RIOK3: variants seen among roughly 807,000 people sequenced by gnomAD.
RIOK3 encodes the protein RIO kinase 3, also known as serine/threonine-protein kinase RIO3.
Under a neutral mutation model 63.5 loss-of-function variants are expected in RIOK3, and 40 were observed. The ratio of observed to expected loss-of-function variants is 0.63; its 90% CI spans 0.49 to 0.82. The LOEUF (loss-of-function observed/expected upper bound fraction) is 0.82, where lower values mean the gene tolerates loss of function less well. Ranked by LOEUF, RIOK3 falls within the 40% of genes least tolerant of loss-of-function variation. The pLI is 0.00. For missense variants in RIOK3, 557 were observed against 637.0 expected, an observed-to-expected ratio of 0.87 and a Z score of 1.35; for synonymous variants, 193 against 205.0, an observed-to-expected ratio of 0.94 and a Z score of 0.50.
At chr18:23,475,802 G>A (rs898428354) in intron 9 of RIOK3, among the ~76,000 whole-genome samples, 1 of 152,170 alleles carries the variant, frequency 6.6e-6, no homozygotes, top group South Asian at 2.1e-4. Flanking sequence ...AACCAGGGAA[G>A]TCGTCATTGT....
At chr18:23,466,354 A>T (rs146238568) in intron 6 of RIOK3, 78 bp downstream of exon 6, 7 of 1,178,794 alleles carry the variant, frequency 5.9e-6, no homozygotes, top group Admixed American at 3.0e-5. Flanking sequence ...AGAAAAAAAA[A>T]CTTCATGTTT....
intron 7 of RIOK3, among the ~76,000 whole-genome samples, chr18:23,472,914 G>C (rs1697054873): frequency 6.6e-6 from 1 of 152,170 alleles, no homozygotes; most frequent in South Asian, 2.1e-4. Flanking sequence ...CTTGTGCCAT[G>C]AAGTCTTGCC....
rs1397358442 is a variant in RIOK3 at position 23,474,984 on chromosome 18, A to G, written c.1050A>G (p.Val350=). Reference sequence around the variant, plus strand: ...CTGGAATTCCTTGTCCAACAGTTGTACTACTGAAGAAACACATTTTAGTTA... The same window carrying G: ...CTGGAATTCCTTGTCCAACAGTTGTGCTACTGAAGAAACACATTTTAGTTA... The part of the protein sequence containing the change: ...QRAGIPCPTV[V]LLKKHILVMS... Residue 350 remains valine, a synonymous_variant, in exon 9 of 13, where the codon GTA becomes GTG. Transcript: ENST00000339486. 2.5e-6 allele frequency: 4 copies of G among 1,611,598 alleles called. No homozygotes were observed. Among genetic ancestry groups the G allele is most frequent in the Non-Finnish European group, 3.4e-6 (4 of 1,177,806 alleles).
intron 1 of RIOK3, among the ~76,000 whole-genome samples, chr18:23,462,063 C>T (rs1387827642): frequency 6.8e-6 from 1 of 148,000 alleles, no homozygotes; most frequent in African/African-American, 2.5e-5. Flanking sequence ...TGTACTCCAG[C>T]CTGGGTGACA....
At chr18:23,457,959 A>G (rs1391788593) in intron 1 of RIOK3, among the ~76,000 whole-genome samples, 1 of 151,548 alleles carries the variant, frequency 6.6e-6, no homozygotes, top group South Asian at 2.1e-4. Flanking sequence ...CAGTGGTGCA[A>G]TCTTGGCTCA....
chr18:23,469,743 C>T (rs756383440), intron 7 of RIOK3, among the ~76,000 whole-genome samples: 4 of 152,096 alleles, frequency 2.6e-5, no homozygotes, highest in African/African-American at 4.8e-5. Context: ...GCCTCAGCCT[C>T]CCAAAGTGCT....
In RIOK3 at chr18:23,466,210, A is replaced by T; in HGVS notation, c.621A>T (p.Lys207Asn). 6.2e-7 allele frequency: 1 copy of T among 1,612,896 alleles called. No homozygotes were observed. Among genetic ancestry groups the T allele is most frequent in the Non-Finnish European group, 8.5e-7 (1 of 1,179,368 alleles). ...CAAACCATGTTTTCAATGCTTTAAA[A>T]CAACATGCCTACTCAGAAGAACGTC... ...KLSNHVFNAL[K>N]QHAYSEERRS... The change falls in exon 6 of 13, where the codon AAA becomes AAT. Residue 207 changes from lysine (K) to asparagine (N), a missense_variant. Physicochemically the swap from Lys to Asn is moderately conservative, Grantham distance 94. Coordinates refer to ENST00000339486, the MANE Select transcript of RIOK3 (RefSeq NM_003831.5).
In RIOK3 at chr18:23,463,143, A is replaced by C. The variant is rs1432626659; in HGVS notation, c.179+64A>C. 5 of 994,914 alleles carry C rather than the reference A, an allele frequency of 5.0e-6. No homozygotes were observed. The African/African-American group carries it at 6.5e-5, about 13-fold the overall frequency. 61.6% of individuals were successfully genotyped at this position (994,914 alleles called of 1,614,324 possible). A position where few individuals can be genotyped will look rare whatever the true frequency, so the allele number is the denominator to read the frequency against. On this transcript the variant is annotated intron_variant, in intron 2 of 12. Coordinates refer to ENST00000339486, the MANE Select transcript of RIOK3 (RefSeq NM_003831.5). ...AGCAGAGTTTTAGGATTTGATGAGT[A>C]ATTGTCATGACAAGTGGTTTGGAAA...
intron 1 of RIOK3, among the ~76,000 whole-genome samples, chr18:23,461,581 TAATC>T (rs2057372335): frequency 6.6e-6 from 1 of 152,214 alleles, no homozygotes. Context: ...GTAAAGGTCT[TAATC>T]AATAGGCTAT....
At chr18:23,463,409 C>CTTTTTTTTTTTT (rs5823391) in intron 2 of RIOK3, 10 of 134,928 alleles carry the variant, frequency 7.4e-5, no homozygotes, top group African/African-American at 2.8e-4. Flanking sequence ...TCCAGACTTT[C>CTTTTTTTTTTTT]TTTTTTTTTT....
chr18:23,479,371 G>A lies in RIOK3; in HGVS notation c.1399G>A (p.Ala467Thr), dbSNP rs773910241. The change falls in exon 12 of 13, where the codon GCT becomes ACT. Residue 467 changes from alanine to threonine, a missense_variant. By Grantham distance (58) the Ala-to-Thr change is moderately conservative. Coordinates refer to ENST00000339486, the MANE Select transcript of RIOK3 (RefSeq NM_003831.5). The part of the protein sequence containing the change: ...EALSERELFN[A>T]VSGLNITADN... ...CCTTAGTGAACGAGAACTCTTCAAT[G>A]CTGTTTCAGGCTTAAACATCACAGC... 1 of 1,613,880 alleles carries A rather than the reference G, an allele frequency of 6.2e-7. No homozygotes were observed. Among genetic ancestry groups the A allele is most frequent in the Non-Finnish European group, 8.5e-7 (1 of 1,179,850 alleles).
intron 1 of RIOK3, among the ~76,000 whole-genome samples, chr18:23,455,593 G>A (rs530330189): frequency 1.3e-3 from 194 of 151,608 alleles, no homozygotes; most frequent in East Asian, 0.011. Flanking sequence ...GGGTTTCACC[G>A]TGTTAGCCAA....
Position 23,482,211 on chromosome 18 carries a change from A to G in RIOK3, c.*932A>G, listed in dbSNP as rs1251975908. The G allele has an allele frequency of 6.6e-6, 1 of 152,158 alleles. No individual in the cohort carries two copies. Among genetic ancestry groups the G allele is most frequent in the African/African-American group, 2.4e-5 (1 of 41,432 alleles). 9.4% of individuals were successfully genotyped at this position (152,158 alleles called of 1,614,324 possible). A position where few individuals can be genotyped will look rare whatever the true frequency, so the allele number is the denominator to read the frequency against. ...TATTAAATCTAAGGATGAAAGGTAT[A>G]TATAAAACAATTTGGGGGCCAGGCA... On this transcript the variant is annotated 3_prime_UTR_variant, in exon 13 of 13. Coordinates refer to ENST00000339486, the MANE Select transcript of RIOK3 (RefSeq NM_003831.5).
chr18:23,469,443 CCTCT>C (rs1173380978), intron 7 of RIOK3, among the ~76,000 whole-genome samples: 70 of 128,930 alleles, frequency 5.4e-4, no homozygotes, highest in Admixed American at 1.3e-3. Context: ...TCTCCTCTCT[CCTCT>C]CTCTCTCTCT....
chr18:23,457,387 C>T (rs1292015588), intron 1 of RIOK3, among the ~76,000 whole-genome samples: 1 of 152,088 alleles, frequency 6.6e-6, no homozygotes, highest in Non-Finnish European at 1.5e-5. Context: ...AACTCAACAG[C>T]CTAAGAGGAG....
chr18:23,476,415 TA>T (rs1261186749), intron 9 of RIOK3, among the ~76,000 whole-genome samples: 1 of 152,162 alleles, frequency 6.6e-6, no homozygotes. Context: ...TAATCCAAAT[TA>T]ATTTTTAAAG....
At chr18:23,479,561 GT>G in intron 12 of RIOK3, 137 bp downstream of exon 12, 1 of 557,846 alleles carries the variant, frequency 1.8e-6, no homozygotes. Flanking sequence ...TTCTTAAGAT[GT>G]TTTTGGTTTT....
In RIOK3 at chr18:23,478,606, CATATATATATATATATATATATATAT is replaced by C. The variant is rs67305895; in HGVS notation, c.1345-684_1345-659del. Among the ~76,000 whole-genome samples the C allele has an allele frequency of 8.8e-4, 115 of 130,952 alleles. 1 individual carries two copies. The highest frequency in any genetic ancestry group is 2.6e-3 in the South Asian group (11 of 4,286). The allele number at this position is 130,952 out of a possible 152,430, so 85.9% of individuals were successfully genotyped here. A position where few individuals can be genotyped will look rare whatever the true frequency, so the allele number is the denominator to read the frequency against. ...GGCCCTGTCTCTTAAAAAAACAAAA[CATATATATATATATATATATATATAT>C]ATATATATATATATATATATATATA... On this transcript the variant is annotated intron_variant, in intron 11 of 12. Coordinates refer to ENST00000339486, the MANE Select transcript of RIOK3 (RefSeq NM_003831.5).
intron 1 of RIOK3, among the ~76,000 whole-genome samples, chr18:23,462,517 A>G (rs1399654129): frequency 6.6e-6 from 1 of 152,264 alleles, no homozygotes; most frequent in Non-Finnish European, 1.5e-5. Flanking sequence ...AGATGACTCA[A>G]TGCTTAAATT....
Sources: gnomAD v4.1 joint callset for allele counts (sites outside exome capture counted in the v4.1 genomes callset) on GRCh38, gnomAD v4.1.1 for gene constraint, MANE v1.5 for transcripts, NCBI Gene and HGNC (gene_info 2026-07-23, HGNC 2026-07-21) for gene names.